DUOX2: variants seen among roughly 807,000 people sequenced by gnomAD.
The protein encoded by DUOX2 is dual oxidase 2, also known as NADH/NADPH thyroid oxidase p138-tox.
Under a neutral mutation model 183.3 loss-of-function variants are expected in DUOX2, and 185 were observed. The observed-to-expected ratio is 1.01, with a 90% confidence interval of 0.90 to 1.14. The LOEUF (loss-of-function observed/expected upper bound fraction) is 1.14, where lower values mean the gene tolerates loss of function less well. Among genes scored for constraint, DUOX2 ranks in the 50% most tolerant of loss-of-function variants. DUOX2 has a pLI of 0.00. For synonymous variants in DUOX2, 788 were observed against 812.4 expected, an observed-to-expected ratio of 0.97 and a Z score of 0.51; for missense variants, 1,999 against 2,022.9, an observed-to-expected ratio of 0.99 and a Z score of 0.23.
rs557641930 is a variant in DUOX2 at position 45,093,758 on chromosome 15, T to A, written c.*392A>T. 26 of 265,968 alleles carry A rather than the reference T, an allele frequency of 9.8e-5. No homozygotes were observed. The South Asian group carries it at 1.2e-3, about 12-fold the overall frequency. 16.5% of individuals were successfully genotyped at this position (265,968 alleles called of 1,614,324 possible). On this transcript the variant is annotated 3_prime_UTR_variant, in exon 34 of 34. Coordinates refer to ENST00000389039, the MANE Select transcript of DUOX2 (RefSeq NM_001363711.2). ...TTGTACCTTTTCACCTCCACACTTG[T>A]CACAAGCAGGGACTGTCTCCTCCCC...
intron 29 of DUOX2, 139 bp downstream of exon 29, chr15:45,097,099 A>C: frequency 7.7e-7 from 1 of 1,292,376 alleles, no homozygotes; most frequent in Non-Finnish European, 1.1e-6. Flanking sequence ...GGAACCCCCG[A>C]GAGTGGTTTT....
At position 45,110,432 on chromosome 15, in the gene DUOX2, T is replaced by C. The variant is rs573609412; in HGVS notation, c.1036A>G (p.Met346Val). Residue 346 changes from methionine to valine, a missense_variant, in exon 9 of 34, where the codon ATG (methionine) becomes GTG (valine). Physicochemically the swap from Met to Val is conservative, Grantham distance 21 (BLOSUM62 1). Transcript: ENST00000389039. ...FSTMVPPGVY[M>V]RNASCHFRKV... is the part of the protein sequence containing the mutation. Reference sequence around the variant, plus strand: ...CTCTGCCAACCCCTCCCTCACCTCATGTAGACACCAGGGGGCACCATGGTA... The same window carrying C: ...CTCTGCCAACCCCTCCCTCACCTCACGTAGACACCAGGGGGCACCATGGTA... 1.2e-6 allele frequency: 2 copies of C among 1,613,548 alleles called. No homozygotes were observed. Among genetic ancestry groups the C allele is most frequent in the South Asian group, 2.2e-5 (2 of 91,044 alleles).
At chr15:45,108,332 G>C in intron 12 of DUOX2, 110 bp from the exon 13 acceptor site, 1 of 1,330,530 alleles carries the variant, frequency 7.5e-7, no homozygotes, top group Non-Finnish European at 1.0e-6. Context: ...CTGCTGCTCA[G>C]GCCTGATTTC....
chr15:45,099,327 A>C, intron 26 of DUOX2, 56 bp downstream of exon 26: 874 of 1,532,518 alleles, frequency 5.7e-4, no homozygotes, highest in Non-Finnish European at 7.3e-4. Context: ...TTCTTTTTCT[A>C]TTATACCCTT....
intron 15 of DUOX2, 81 bp downstream of exon 15, chr15:45,106,741 TGGTCTCAAAC>T (rs1894224926): frequency 6.2e-6 from 10 of 1,607,700 alleles, no homozygotes; most frequent in Non-Finnish European, 8.5e-6. Context: ...TCCTTGAGCC[TGGTCTCAAAC>T]GGTACCAAAT....
intron 20 of DUOX2, among the ~76,000 whole-genome samples, chr15:45,102,448 G>A (rs943158233): frequency 6.6e-6 from 1 of 152,194 alleles, no homozygotes; most frequent in Non-Finnish European, 1.5e-5. Context: ...CAACACCCCG[G>A]GGCACAGGCG....
At chr15:45,094,885 T>G (rs755898315) in intron 32 of DUOX2, 51 bp downstream of exon 32, 1 of 1,611,322 alleles carries the variant, frequency 6.2e-7, no homozygotes, top group Non-Finnish European at 8.5e-7. Flanking sequence ...TGCCTTACGC[T>G]GCCAATCCAT....
intron 20 of DUOX2, 89 bp downstream of exon 20, chr15:45,103,871 G>T: frequency 7.3e-7 from 1 of 1,363,172 alleles, no homozygotes; most frequent in South Asian, 1.2e-5. Flanking sequence ...TGACCACAGA[G>T]CCTCTTTGCC....
chr15:45,096,653 G>GA, intron 29 of DUOX2, among the ~76,000 whole-genome samples: 1 of 152,180 alleles, frequency 6.6e-6, no homozygotes. Flanking sequence ...GCAAGTGCTG[G>GA]AGAGTAGAAA....
rs761385278 is a variant in DUOX2, at chr15:45,108,912, A to G, written c.1275T>C (p.Tyr425=). The change falls in exon 12 of 34, where the codon TAT becomes TAC. Residue 425 remains tyrosine, a synonymous_variant. Transcript: ENST00000389039. Reference sequence around the variant, plus strand: ...GGCCACGTTGGATGCTGCTGGCCACATAGTCTGTACGGGAGAATTTGCCAG... The same window carrying G: ...GGCCACGTTGGATGCTGCTGGCCACGTAGTCTGTACGGGAGAATTTGCCAG... ...PGPGKFSRTD[Y]VASSIQRGRD... is the part of the protein sequence containing the mutation. 6.2e-7 allele frequency: 1 copy of G among 1,614,234 alleles called. No individual in the cohort carries two copies. The highest frequency in any genetic ancestry group is 1.1e-5 in the South Asian group (1 of 91,084).
chr15:45,110,061 G>A, intron 9 of DUOX2, 81 bp from the exon 10 acceptor site: 1 of 1,279,668 alleles, frequency 7.8e-7, no homozygotes, highest in Non-Finnish European at 1.1e-6. Flanking sequence ...GGGACTCAGT[G>A]GGGGTTCACT....
chr15:45,095,615 A>G lies in DUOX2; in HGVS notation c.4081-20T>C. On this transcript the variant is annotated intron_variant, in intron 30 of 33. Transcript: ENST00000389039. ...GTACAGCTGCCAAGAGAGGGGGGAG[A>G]TGAAATGAGCCTGACCCTGCCCCAG... 1.2e-6 allele frequency: 2 copies of G among 1,614,094 alleles called. No homozygotes were observed. The highest frequency in any genetic ancestry group is 2.7e-5 in the African/African-American group (2 of 75,030).
At chr15:45,106,428 C>A in intron 16 of DUOX2, 100 bp downstream of exon 16, 1 of 1,585,088 alleles carries the variant, frequency 6.3e-7, no homozygotes, top group South Asian at 1.1e-5. Context: ...CCTAAAGGTG[C>A]CTTGGCTTTC....
At chr15:45,102,192 T>C (rs184855289) in intron 20 of DUOX2, among the ~76,000 whole-genome samples, 58 of 152,324 alleles carry the variant, frequency 3.8e-4, no homozygotes, top group African/African-American at 1.3e-3. Flanking sequence ...GAATTGAAAG[T>C]GACCTTGACC....
chr15:45,101,032 G>A lies in DUOX2; in HGVS notation c.2921+173C>T. 4.2e-6 allele frequency: 3 copies of A among 713,758 alleles called. No homozygotes were observed. The South Asian group carries it at 4.7e-5, about 11-fold the overall frequency. 44.2% of individuals were successfully genotyped at this position (713,758 alleles called of 1,614,324 possible). ...CCTGGAGCAGCAGGGAGAGAGCCAA[G>A]CATCCGAGCAGCATAGGGTGAGAGA... On this transcript the variant is annotated intron_variant, in intron 22 of 33. Coordinates refer to ENST00000389039, the MANE Select transcript of DUOX2 (RefSeq NM_001363711.2).
chr15:45,103,152 G>T (rs968977126), intron 20 of DUOX2, among the ~76,000 whole-genome samples: 1 of 152,248 alleles, frequency 6.6e-6, no homozygotes, highest in African/African-American at 2.4e-5. Flanking sequence ...TCCAGTTGGG[G>T]TATCTGGACC....
chr15:45,112,289 C>T (rs1338125978), intron 4 of DUOX2, among the ~76,000 whole-genome samples: 2 of 152,136 alleles, frequency 1.3e-5, no homozygotes, highest in South Asian at 2.1e-4. Flanking sequence ...GGCTGGGGAG[C>T]TCAGTTCCCA....
chr15:45,111,558 C>G lies in DUOX2; in HGVS notation c.541G>C (p.Gly181Arg), dbSNP rs1208601689. ...TGCGAGGAGCCATAGATGGCGCTGC[C>G]GTCCAGCCAGCCCGTCACCTGGTTG... ...LANQVTGWLD[G>R]SAIYGSSHSW... is the part of the protein sequence containing the mutation. Residue 181 changes from glycine (G) to arginine (R), a missense_variant, in exon 6 of 34, where the codon GGC (glycine) becomes CGC (arginine). By Grantham distance (125) the Gly-to-Arg change is moderately radical. Transcript: ENST00000389039. The G allele has an allele frequency of 1.2e-5, 18 of 1,549,336 alleles. No homozygotes were observed. The highest frequency in any genetic ancestry group is 1.4e-5 in the African/African-American group (1 of 71,544).
At chr15:45,112,095 C>T in intron 4 of DUOX2, 140 bp from the exon 5 acceptor site, 1 of 992,654 alleles carries the variant, frequency 1.0e-6, no homozygotes, top group Non-Finnish European at 1.5e-6. Flanking sequence ...CACGTTAGCC[C>T]CAGGTAGCCT....
Sources: allele counts gnomAD v4.1 joint callset (sites outside exome capture counted in the v4.1 genomes callset), GRCh38; gene constraint gnomAD v4.1.1; transcripts MANE v1.5; gene names NCBI Gene and HGNC (gene_info 2026-07-23, HGNC 2026-07-21).